ZNF143: variants seen among roughly 807,000 people sequenced by gnomAD.
ZNF143 encodes the protein zinc finger protein 143.
ZNF143 carries 49 observed loss-of-function variants against 74.1 expected under a neutral mutation model. That is an observed-to-expected ratio of 0.66 (90% CI 0.53 to 0.84). ZNF143 has a LOEUF of 0.84. Among genes scored for constraint, ZNF143 ranks in the 40% least tolerant of loss-of-function variants. ZNF143 has a pLI of 0.00. For synonymous variants in ZNF143, 304 were observed against 282.8 expected (o/e 1.07, Z -0.75); for missense variants, 637 against 793.4 (o/e 0.80, Z 2.37).
chr11:9,471,491 T>G, intron 2 of ZNF143, 71 bp downstream of exon 2: 1 of 1,115,548 alleles, frequency 9.0e-7, no homozygotes, highest in Non-Finnish European at 1.3e-6. Context: ...ATTTACAACT[T>G]CCTAGTTCCT....
chr11:9,485,347 CT>C lies in ZNF143; in HGVS notation c.645+5822del, dbSNP rs544497040. ...TTTGTTGTTGTTTTTTTCTCTCTCT[CT>C]TTTTTTTTTTTTTTTTTTTTGAGAA... On this transcript the variant is annotated intron_variant, in intron 7 of 15. Coordinates refer to ENST00000396602, the MANE Select transcript of ZNF143 (RefSeq NM_003442.6). Among the ~76,000 whole-genome samples the C allele has an allele frequency of 9.2e-3, 1,011 of 110,414 alleles. 3 individuals are homozygous for C. Among genetic ancestry groups the C allele is most frequent in the Middle Eastern group, 0.02 (4 of 204 alleles). 72.4% of individuals were successfully genotyped at this position (110,414 alleles called of 152,430 possible).
chr11:9,461,324 G>A (rs11042366), intron 1 of ZNF143, among the ~76,000 whole-genome samples: 62,700 of 152,004 alleles, frequency 0.41, 13,856 homozygotes, highest in Non-Finnish European at 0.5. Context: ...ACTCCCCCCA[G>A]CTTGTCTCTG....
intron 9 of ZNF143, 94 bp downstream of exon 9, chr11:9,496,472 A>G: frequency 9.7e-7 from 1 of 1,028,204 alleles, no homozygotes; most frequent in Non-Finnish European, 1.5e-6. Flanking sequence ...CTGTGTCTGA[A>G]TCTGCAGAAG....
At chr11:9,474,506 T>C (rs768172958) in intron 4 of ZNF143, 44 bp from the exon 5 acceptor site, 3 of 1,589,522 alleles carry the variant, frequency 1.9e-6, no homozygotes, top group Admixed American at 1.7e-5. Context: ...TTAATTGGAA[T>C]GTGCTAGAAA....
rs183173744 is a variant in ZNF143 at position 9,466,709 on chromosome 11, G to A, written c.-7-4593G>A. On this transcript the variant is annotated intron_variant, in intron 1 of 15. Coordinates refer to ENST00000396602, the MANE Select transcript of ZNF143 (RefSeq NM_003442.6). The stretch of plus-strand genomic sequence containing the variant: ...TCCCTCCTTGGCCTCCCCAAGTGCT[G>A]CAGTTACAGGTGTGAGCCATCATGC... Among the ~76,000 whole-genome samples the A allele has an allele frequency of 3.7e-4, 56 of 152,254 alleles. 1 individual carries two copies. The South Asian group carries it at 6.2e-3, about 17-fold the overall frequency.
chr11:9,477,157 TCCTTCCTTCCTTCCTC>T (rs1202483123), intron 5 of ZNF143, among the ~76,000 whole-genome samples: 2 of 125,982 alleles, frequency 1.6e-5, no homozygotes, highest in African/African-American at 3.1e-5. Flanking sequence ...CTTCCTTCCT[TCCTTCCTTCCTTCCTC>T]CTCTCCCTTC....
rs772433149 is a variant in ZNF143 at position 9,512,564 on chromosome 11, G to C, written c.1492G>C (p.Val498Leu). Reference protein sequence around the residue: ...TVTQSGLSQQVTLISQDGTQH... With the variant: ...TVTQSGLSQQLTLISQDGTQH... The stretch of plus-strand genomic sequence containing the variant: ...AACCCAATCTGGACTGAGTCAACAA[G>C]TTACACTCATATCCCAGGATGGGAC... The change falls in exon 13 of 16, where the codon GTT becomes CTT. Residue 498 changes from valine (V) to leucine (L), a missense_variant. Physicochemically the swap from Val to Leu is conservative, Grantham distance 32 (BLOSUM62 1). This residue lies in a region of ZNF143 where 344 missense variants were observed against 485.6 expected (regional missense o/e 0.71). Coordinates refer to ENST00000396602, the MANE Select transcript of ZNF143 (RefSeq NM_003442.6). The C allele has an allele frequency of 6.2e-7, 1 of 1,614,202 alleles. No individual in the cohort carries two copies. The highest frequency in any genetic ancestry group is 8.5e-7 in the Non-Finnish European group (1 of 1,180,042).
chr11:9,478,275 G>A, intron 5 of ZNF143, 115 bp from the exon 6 acceptor site: 1 of 988,896 alleles, frequency 1.0e-6, no homozygotes, highest in Non-Finnish European at 1.5e-6. Context: ...TCAAGTGCGT[G>A]GTCCAGTACT....
chr11:9,523,529 C>G (rs974142408), intron 14 of ZNF143, among the ~76,000 whole-genome samples: 7 of 150,580 alleles, frequency 4.6e-5, no homozygotes, highest in African/African-American at 1.2e-4. Context: ...GTCAGGAGAT[C>G]GAGACCATCC....
intron 14 of ZNF143, among the ~76,000 whole-genome samples, chr11:9,516,830 T>G (rs775985645): frequency 2.0e-5 from 3 of 152,204 alleles, no homozygotes; most frequent in African/African-American, 7.2e-5. Flanking sequence ...CTTTTATCAG[T>G]TTTTTGTGTA....
Position 9,494,631 on chromosome 11 carries a change from A to G in ZNF143, c.646-15A>G, listed in dbSNP as rs566057979. On this transcript the variant is annotated splice_polypyrimidine_tract_variant and intron_variant, in intron 7 of 15. Transcript: ENST00000396602. ...TGGCTTAAGTAATTTAAGTAATACT[A>G]TTTGTTTTATTTAGATTGTTTTACA... The G allele has an allele frequency of 9.3e-6, 15 of 1,611,338 alleles. No homozygotes were observed. In the East Asian group the frequency reaches 1.3e-4, roughly 14 times the overall value.
intron 11 of ZNF143, among the ~76,000 whole-genome samples, chr11:9,508,395 A>G (rs1848433663): frequency 1.3e-5 from 2 of 152,230 alleles, no homozygotes; most frequent in Non-Finnish European, 2.9e-5. Flanking sequence ...ATTAAGGAGA[A>G]CCTGGTGTTG....
intron 14 of ZNF143, among the ~76,000 whole-genome samples, chr11:9,524,655 G>T (rs1471597711): frequency 1.3e-5 from 2 of 152,014 alleles, no homozygotes; most frequent in African/African-American, 4.8e-5. Context: ...TGTACTTGTG[G>T]TATAAGAGCC....
intron 11 of ZNF143, among the ~76,000 whole-genome samples, chr11:9,503,150 TC>T (rs1361249480): frequency 6.6e-6 from 1 of 152,200 alleles, no homozygotes; most frequent in Non-Finnish European, 1.5e-5. Context: ...TTTTTGAAGT[TC>T]AACCATGTTG....
intron 13 of ZNF143, among the ~76,000 whole-genome samples, chr11:9,515,474 C>T (rs1182275712): frequency 2.6e-5 from 4 of 151,212 alleles, no homozygotes; most frequent in Admixed American, 6.6e-5. Context: ...ACGGTGAAAC[C>T]TCGTCTCTAC....
intron 5 of ZNF143, among the ~76,000 whole-genome samples, chr11:9,476,916 T>G (rs915041371): frequency 6.6e-6 from 1 of 150,926 alleles, no homozygotes; most frequent in Non-Finnish European, 1.5e-5. Flanking sequence ...CCCACCACCA[T>G]GCCCGGCTAA....
intron 8 of ZNF143, among the ~76,000 whole-genome samples, chr11:9,495,402 CT>C (rs1053900363): frequency 2.2e-4 from 33 of 152,310 alleles, no homozygotes; most frequent in African/African-American, 7.9e-4. Context: ...GATTGCACCA[CT>C]GCACTCCAGC....
intron 1 of ZNF143, among the ~76,000 whole-genome samples, chr11:9,469,553 A>G (rs1856453066): frequency 1.3e-5 from 2 of 152,004 alleles, no homozygotes; most frequent in South Asian, 4.1e-4. Flanking sequence ...ACAGTAGGGT[A>G]CTGGTGTTAC....
chr11:9,486,387 A>ATAATATATATTATATATATTATATATATT (rs1491455973), intron 7 of ZNF143, among the ~76,000 whole-genome samples: 1 of 18,002 alleles, frequency 5.6e-5, no homozygotes, highest in Non-Finnish European at 1.0e-4. Context: ...TTATATATAT[A>ATAATATATATTATATATATTATATATATT]ATATATATAA....
Sources: allele counts gnomAD v4.1 joint callset (sites outside exome capture counted in the v4.1 genomes callset), GRCh38; gene constraint gnomAD v4.1.1; regional missense constraint gnomAD v4.1.1; transcripts MANE v1.5; gene names NCBI Gene and HGNC (gene_info 2026-07-23, HGNC 2026-07-21).